The following RASSF3 variants were observed in gnomAD, a reference collection of about 807,000 sequenced individuals.
The protein encoded by RASSF3 is ras association domain-containing protein 3.
In RASSF3, 19 loss-of-function variants were observed where a neutral mutation model predicts 19.9. The observed-to-expected ratio is 0.96, with a 90% confidence interval of 0.67 to 1.40. The LOEUF (loss-of-function observed/expected upper bound fraction) is 1.40. Among genes scored for constraint, RASSF3 ranks in the 40% most tolerant of loss-of-function variants. RASSF3 has a pLI of 0.00. For synonymous variants in RASSF3, 110 were observed against 104.2 expected (o/e 1.06, Z -0.34); for missense variants, 306 against 289.8 (o/e 1.06, Z -0.41).
upstream of RASSF3, among the ~76,000 whole-genome samples, chr12:64,607,633 C>T (rs1870217140): frequency 6.6e-6 from 1 of 152,162 alleles, no homozygotes; most frequent in Admixed American, 6.5e-5. Flanking sequence ...CCTCAGCCTC[C>T]CAAAATGCTG....
intron 1 of RASSF3, among the ~76,000 whole-genome samples, chr12:64,652,319 T>C (rs1565861523): frequency 6.6e-6 from 1 of 152,208 alleles, no homozygotes; most frequent in Non-Finnish European, 1.5e-5. Context: ...GTGTGTTCTG[T>C]AGCACAGTGC....
chr12:64,541,232 C>T (rs1032869744), intron 1 of RASSF3, among the ~76,000 whole-genome samples: 4 of 152,104 alleles, frequency 2.6e-5, no homozygotes, highest in African/African-American at 4.8e-5. Flanking sequence ...TAGATCCGCC[C>T]GCCTTGCCCT....
intron 1 of RASSF3, among the ~76,000 whole-genome samples, chr12:64,632,069 A>G (rs1021115441): frequency 6.6e-5 from 10 of 152,126 alleles, no homozygotes; most frequent in African/African-American, 2.4e-4. Flanking sequence ...AGAAATGTGT[A>G]TATAATACAA....
At chr12:64,662,290 G>A (rs1400294488) in intron 1 of RASSF3, among the ~76,000 whole-genome samples, 2 of 151,544 alleles carry the variant, frequency 1.3e-5, no homozygotes, top group African/African-American at 2.4e-5. Flanking sequence ...GCCTGGTGGC[G>A]CTTGCCTGTA....
upstream of RASSF3, among the ~76,000 whole-genome samples, chr12:64,531,887 G>A (rs1023771993): frequency 1.3e-5 from 2 of 152,220 alleles, no homozygotes; most frequent in Non-Finnish European, 2.9e-5. Context: ...CTATTTTGGG[G>A]CTGCTGAAGG....
At chr12:64,515,778 G>GC (rs1479240278) in intron 1 of RASSF3, among the ~76,000 whole-genome samples, 1 of 152,050 alleles carries the variant, frequency 6.6e-6, no homozygotes, top group Non-Finnish European at 1.5e-5. Context: ...TCCCACTTTA[G>GC]CCCCCTGAGT....
chr12:64,518,589 T>C (rs1868407572), intron 1 of RASSF3, among the ~76,000 whole-genome samples: 1 of 152,196 alleles, frequency 6.6e-6, no homozygotes, highest in Non-Finnish European at 1.5e-5. Context: ...CATTTCAATG[T>C]GAGATTTGAA....
chr12:64,639,009 A>T lies in RASSF3; in HGVS notation c.111+28266A>T, dbSNP rs1049057459. Reference sequence around the variant, plus strand: ...AGAGACATTGTGTAGTTATAATCCAAGGCCTGGAACTGCTTAGTCATAGGG... The same window carrying T: ...AGAGACATTGTGTAGTTATAATCCATGGCCTGGAACTGCTTAGTCATAGGG... On this transcript the variant is annotated intron_variant, in intron 1 of 4. Transcript: ENST00000542104. 4.5e-4 allele frequency among the ~76,000 whole-genome samples: 68 copies of T among 152,214 alleles called. 3 individuals are homozygous for T. The highest frequency in any genetic ancestry group is 2.2e-4 in the Non-Finnish European group (15 of 68,046).
At chr12:64,583,174 G>C (rs1386616954) in intron 2 of RASSF3, among the ~76,000 whole-genome samples, 3 of 152,146 alleles carry the variant, frequency 2.0e-5, no homozygotes, top group African/African-American at 7.2e-5. Flanking sequence ...CTGTGTTCCA[G>C]AATAGGAACA....
upstream of RASSF3, among the ~76,000 whole-genome samples, chr12:64,607,420 A>T (rs1870213252): frequency 6.6e-6 from 1 of 152,148 alleles, no homozygotes; most frequent in Non-Finnish European, 1.5e-5. Flanking sequence ...CCCAGGATAG[A>T]GTGCAGTGGC....
At chr12:64,618,365 T>C (rs1393254616) in intron 1 of RASSF3, among the ~76,000 whole-genome samples, 1 of 152,134 alleles carries the variant, frequency 6.6e-6, no homozygotes, top group African/African-American at 2.4e-5. Context: ...CTTGATCTGT[T>C]GCCCAGGCTG....
intron 1 of RASSF3, among the ~76,000 whole-genome samples, chr12:64,616,072 T>G (rs1277394896): frequency 1.3e-5 from 2 of 152,254 alleles, no homozygotes; most frequent in Non-Finnish European, 2.9e-5. Context: ...TTTACACATC[T>G]TTTCTGCATG....
At chr12:64,605,306 A>G (rs972825041) in intron 2 of RASSF3, among the ~76,000 whole-genome samples, 5 of 151,906 alleles carry the variant, frequency 3.3e-5, no homozygotes, top group African/African-American at 9.7e-5. Flanking sequence ...TTTGAGAGAA[A>G]TTTTAGAACA....
intron 2 of RASSF3, among the ~76,000 whole-genome samples, chr12:64,687,522 T>C (rs1873406126): frequency 6.6e-6 from 1 of 151,810 alleles, no homozygotes; most frequent in Non-Finnish European, 1.5e-5. Context: ...TCGCCCAGGC[T>C]GGAGTGCAAT....
At chr12:64,520,873 G>A (rs1220473116) in intron 1 of RASSF3, among the ~76,000 whole-genome samples, 1 of 152,074 alleles carries the variant, frequency 6.6e-6, no homozygotes, top group Non-Finnish European at 1.5e-5. Flanking sequence ...AGGAGCTAGA[G>A]ATGACCTTTC....
chr12:64,572,357 T>A (rs1869533217), intron 2 of RASSF3, among the ~76,000 whole-genome samples: 1 of 151,822 alleles, frequency 6.6e-6, no homozygotes, highest in Non-Finnish European at 1.5e-5. Context: ...TCTGTCTCCC[T>A]CTTTGTCTGC....
intron 2 of RASSF3, among the ~76,000 whole-genome samples, chr12:64,604,068 G>C (rs913864706): frequency 6.6e-6 from 1 of 150,942 alleles, no homozygotes; most frequent in Non-Finnish European, 1.5e-5. Flanking sequence ...GGATGGTCTC[G>C]ATCTCCTGAC....
chr12:64,688,255 A>G lies in RASSF3; in HGVS notation c.259A>G (p.Met87Val), dbSNP rs774355048. The G allele has an allele frequency of 2.5e-6, 4 of 1,614,042 alleles. No individual in the cohort carries two copies. Among genetic ancestry groups the G allele is most frequent in the African/African-American group, 2.7e-5 (2 of 74,924 alleles). The change falls in exon 3 of 5, where the codon ATG becomes GTG. Residue 87 changes from methionine to valine, a missense_variant. Met to Val is a conservative substitution (Grantham distance 21). Coordinates refer to ENST00000542104, the MANE Select transcript of RASSF3 (RefSeq NM_178169.4). ...GIYTGFIKVQ[M>V]ELCKPPQTSP... is the part of the protein sequence containing the mutation. ...TTACACTGGCTTCATTAAAGTACAG[A>G]TGGAACTCTGCAAACCTCCACAGAC...
chr12:64,671,488 TCA>T (rs1172119959), intron 1 of RASSF3, among the ~76,000 whole-genome samples: 2 of 152,204 alleles, frequency 1.3e-5, no homozygotes, highest in Non-Finnish European at 2.9e-5. Context: ...TGTAAGTGTT[TCA>T]CACCCTATCT....
Sources: gnomAD v4.1 joint callset for allele counts (sites outside exome capture counted in the v4.1 genomes callset) on GRCh38, gnomAD v4.1.1 for gene constraint, MANE v1.5 for transcripts, NCBI Gene and HGNC (gene_info 2026-07-23, HGNC 2026-07-21) for gene names.